The following HELZ2 variants were observed in gnomAD, a reference collection of about 807,000 sequenced individuals.
HELZ2 encodes the protein helicase with zinc finger 2.
In HELZ2, 143 loss-of-function variants were observed where a neutral mutation model predicts 208.8. The observed-to-expected ratio is 0.68, with a 90% CI of 0.60 to 0.79. The LOEUF is 0.79. HELZ2 is among the 30% of genes least tolerant of loss of function. The pLI is 0.00. For missense variants in HELZ2, 3,690 were observed against 3,794.5 expected, an observed-to-expected ratio of 0.97 and a Z score of 0.72; for synonymous variants, 1,705 against 1,693.7, an observed-to-expected ratio of 1.01 and a Z score of -0.16.
At chr20:63,559,854 G>A in intron 18 of HELZ2, 74 bp downstream of exon 19, 1 of 1,525,822 alleles carries the variant, frequency 6.6e-7, no homozygotes, top group South Asian at 1.2e-5. Flanking sequence ...GGTCAGGCAG[G>A]AGTCGGCAGC....
chr20:63,566,937 G>C (rs201961315), exon 6 of HELZ2: 7 of 1,610,590 alleles, frequency 4.3e-6, no homozygotes, highest in Middle Eastern at 1.6e-4. Context: ...CCTTCTCGAC[G>C]ACCTGCGCAA....
exon 8 of HELZ2, chr20:63,563,313 G>C (rs777601841): frequency 6.5e-7 from 1 of 1,541,874 alleles, no homozygotes; most frequent in East Asian, 2.4e-5. Context: ...CAGCGCTGCA[G>C]CTCCACCAGC....
Position 63,570,888 on chromosome 20 carries a change from G to A in HELZ2, c.279-20C>T, listed in dbSNP as rs769422338. ...TCAGGCCTGGGGGACAGGGAGGTCA[G>A]CAGGGCTACACAGAGGCACAGCCGC... On this transcript the variant is annotated intron_variant, in intron 1 of 18. Transcript: ENST00000467148. The A allele has an allele frequency of 3.2e-6, 5 of 1,559,062 alleles. No homozygotes were observed. The highest frequency in any genetic ancestry group is 2.7e-5 in the African/African-American group (2 of 73,762).
In HELZ2 at chr20:63,564,535, CAG is replaced by C. The variant is rs1569032285; in HGVS notation, c.4285_4286del (p.Leu1429ValfsTer24). 6.3e-7 allele frequency: 1 copy of C among 1,577,570 alleles called. No homozygotes were observed. The highest frequency in any genetic ancestry group is 1.8e-5 in the Admixed American group (1 of 54,512). ...CACTGGCCTTCTCCATGGTGAGGAA[CAG>C]GGAGATGGCCAGGCGGTCCCGGCCA... On this transcript the variant is annotated frameshift_variant, in exon 8 of 19. Transcript: ENST00000467148. LOFTEE classifies it high-confidence loss of function.
chr20:63,567,510 G>C (rs1415530696), exon 6 of HELZ2: 1 of 1,559,922 alleles, frequency 6.4e-7, no homozygotes, highest in Non-Finnish European at 8.7e-7. Context: ...ACTGCAGCGT[G>C]ACTGGGTCCG....
chr20:63,569,190 A>C, exon 4 of HELZ2: 1 of 1,549,570 alleles, frequency 6.5e-7, no homozygotes, highest in Non-Finnish European at 8.7e-7. Context: ...CTCATAGAGA[A>C]ACTGGTGCAT....
At chr20:63,569,575 C>T (rs529971110) in exon 4 of HELZ2, 90 of 1,590,252 alleles carry the variant, frequency 5.7e-5, no homozygotes, top group East Asian at 2.8e-4. Flanking sequence ...TCACCCCGTG[C>T]GTAGAGCCGG....
At position 63,564,064 on chromosome 20, in the gene HELZ2, G is replaced by A. The variant is rs540477464; in HGVS notation, c.4758C>T (p.Gly1586=). The change falls in exon 8 of 19, where the codon GGC becomes GGT. Residue 1586 remains glycine, a synonymous_variant. Coordinates refer to ENST00000467148, the Ensembl canonical transcript of HELZ2. Reference sequence around the variant, plus strand: ...GCGTGTCGGGGGGACTGCCCCCGCCGCCGTGCAGGTGGTGGCCGAGGTGCA... The same window carrying A: ...GCGTGTCGGGGGGACTGCCCCCGCCACCGTGCAGGTGGTGGCCGAGGTGCA... The A allele has an allele frequency of 3.5e-5, 56 of 1,605,718 alleles. 1 individual carries two copies. In the South Asian group the frequency reaches 3.6e-4, roughly 10 times the overall value.
At chr20:63,570,027 C>A in intron 3 of HELZ2, 2 of 437,070 alleles carry the variant, frequency 4.6e-6, no homozygotes, top group South Asian at 2.1e-5. Flanking sequence ...CAACTCACTA[C>A]AACCTCCGCC....
exon 8 of HELZ2, chr20:63,562,791 G>A (rs771532485): frequency 5.6e-6 from 9 of 1,609,160 alleles, no homozygotes; most frequent in Non-Finnish European, 6.8e-6. Flanking sequence ...CCCTCGAGCC[G>A]GATGCAGAGG....
In HELZ2 at chr20:63,564,063, C is replaced by T. The variant is rs375611159; in HGVS notation, c.4759G>A (p.Gly1587Ser). ...CGCGTGTCGGGGGGACTGCCCCCGC[C>T]GCCGTGCAGGTGGTGGCCGAGGTGC... The change falls in exon 8 of 19, where the codon GGC becomes AGC. Residue 1587 changes from glycine to serine, a missense_variant. Around this residue, in one of 3 missense-constraint regions of HELZ2, gnomAD observed 2,564 missense variants for 2,580.5 expected, o/e 0.99. Transcript: ENST00000467148. The T allele has an allele frequency of 9.6e-4, 1,544 of 1,605,852 alleles. 29 individuals carry two copies. In the South Asian group the frequency reaches 0.016, roughly 17 times the overall value.
chr20:63,571,161 C>A (rs113886660), intron 1 of HELZ2: 34,143 of 347,554 alleles, frequency 0.098, 4,141 homozygotes, highest in African/African-American at 0.36. Context: ...TCCTGCCCCG[C>A]TCCAAGCTCC....
chr20:63,559,880 T>G (rs2146004476), intron 18 of HELZ2, 48 bp downstream of exon 19: 1 of 1,590,256 alleles, frequency 6.3e-7, no homozygotes, highest in Non-Finnish European at 8.5e-7. Flanking sequence ...AGCCCAGCCC[T>G]GGCCTCACCT....
rs139795248 is a variant in HELZ2, at chr20:63,565,183, C to T, written c.3639G>A (p.Pro1213=). Residue 1213 remains proline (P), a synonymous_variant, in exon 8 of 19, where the codon CCG becomes CCA. Coordinates refer to ENST00000467148, the Ensembl canonical transcript of HELZ2. ...AGCCATTGATGGGGACCATGATGCG[C>T]GGGTCCCACGTGTCCATGCGGCACA... is the stretch of plus-strand genomic sequence containing the variant. The T allele has an allele frequency of 1.4e-4, 227 of 1,604,678 alleles. 1 individual carries two copies. In the African/African-American group the frequency reaches 2.3e-3, roughly 16 times the overall value.
At chr20:63,563,798 A>G (rs1375261428) in exon 8 of HELZ2, 1 of 1,602,884 alleles carries the variant, frequency 6.2e-7, no homozygotes, top group Admixed American at 1.7e-5. Context: ...GTACCTGCGG[A>G]TGGGCGAGGT....
chr20:63,568,587 A>T, exon 5 of HELZ2: 1 of 1,594,182 alleles, frequency 6.3e-7, no homozygotes, highest in South Asian at 1.1e-5. Flanking sequence ...GGCAGGGCGC[A>T]GGTGGGCAAG....
chr20:63,561,878 C>T (rs765328064), exon 11 of HELZ2: 11 of 1,572,958 alleles, frequency 7.0e-6, no homozygotes, highest in South Asian at 2.3e-5. Context: ...TGCAGGGACC[C>T]CCCAGCCGCT....
Position 63,566,857 on chromosome 20 carries a change from GA to G in HELZ2, c.2500del (p.Ser834ProfsTer9). ...GGCCGGGCTCACCTGGGCACCGTGG[GA>G]AACGACACAGATGCACCTCTGCTCG... On this transcript the variant is annotated frameshift_variant, in exon 6 of 19. Transcript: ENST00000467148. LOFTEE classifies it high-confidence loss of function. The G allele has an allele frequency of 6.3e-7, 1 of 1,599,296 alleles. No homozygotes were observed.
chr20:63,568,782 C>G, exon 5 of HELZ2: 2 of 1,611,096 alleles, frequency 1.2e-6, no homozygotes, highest in South Asian at 1.1e-5. Context: ...GCCCGCCTCT[C>G]CAGCCGCACC....
Sources: gnomAD v4.1 joint callset for allele counts on GRCh38, gnomAD v4.1.1 for gene constraint, gnomAD v4.1.1 regional missense constraint, MANE v1.5 for transcripts, NCBI Gene and HGNC (gene_info 2026-07-23, HGNC 2026-07-21) for gene names.